CYB5R3: variants seen among roughly 807,000 people sequenced by gnomAD.
The protein encoded by CYB5R3 is cytochrome b5 reductase 3.
In CYB5R3, 28 loss-of-function variants were observed where a neutral mutation model predicts 36.5. That is an observed-to-expected ratio of 0.77 (90% CI 0.57 to 1.05). CYB5R3 has a LOEUF of 1.05. Ranked by LOEUF, CYB5R3 falls within the 50% of genes least tolerant of loss-of-function variation. CYB5R3 has a pLI of 0.00. For synonymous variants in CYB5R3, 181 were observed against 159.8 expected, an observed-to-expected ratio of 1.13 and a Z score of -1.00; for missense variants, 474 against 408.9, an observed-to-expected ratio of 1.16 and a Z score of -1.37.
chr22:42,630,570 A>C (rs1302585738), intron 4 of CYB5R3, among the ~76,000 whole-genome samples: 6 of 152,230 alleles, frequency 3.9e-5, no homozygotes, highest in Non-Finnish European at 8.8e-5. Context: ...ACTTGCCCTG[A>C]ACCCTGGCCC....
chr22:42,624,867 C>G (rs932841641), intron 7 of CYB5R3, among the ~76,000 whole-genome samples: 1 of 152,176 alleles, frequency 6.6e-6, no homozygotes, highest in Non-Finnish European at 1.5e-5. Flanking sequence ...GGCTGGGGAA[C>G]TGCACCCACC....
chr22:42,628,218 TCTCCAGGTACTGAGACATCTTCC>T lies in CYB5R3; in HGVS notation c.374_396del (p.Gly125GlufsTer9). The T allele has an allele frequency of 6.2e-7, 1 of 1,614,020 alleles. No individual in the cohort carries two copies. Among genetic ancestry groups the T allele is most frequent in the Non-Finnish European group, 8.5e-7 (1 of 1,179,970 alleles). Reference sequence around the variant, plus strand: ...TCAATGGTGTCTCCAATCTGCATGCTCTCCAGGTACTGAGACATCTTCCCTCCAGCGGGAAACTTGGGATGGGT... The same window carrying T: ...TCAATGGTGTCTCCAATCTGCATGCTCTCCAGCGGGAAACTTGGGATGGGT... On this transcript the variant is annotated frameshift_variant, in exon 5 of 9. Coordinates refer to ENST00000352397, the MANE Select transcript of CYB5R3 (RefSeq NM_000398.7). LOFTEE classifies it high-confidence loss of function.
intron 8 of CYB5R3, 103 bp downstream of exon 8, chr22:42,623,686 G>C: frequency 1.1e-6 from 1 of 933,468 alleles, no homozygotes. Context: ...GCCATAGTGA[G>C]TGCCAGATGT....
intron 4 of CYB5R3, 22 bp from the exon 5 acceptor site, chr22:42,628,303 C>G: frequency 6.2e-7 from 1 of 1,612,900 alleles, no homozygotes; most frequent in Non-Finnish European, 8.5e-7. Flanking sequence ...CCCCGCAGCC[C>G]TCAGTCCCCA....
In CYB5R3 at chr22:42,649,275, G is replaced by C; in HGVS notation, c.21+20C>G. 1 of 896,858 alleles carries C rather than the reference G, an allele frequency of 1.1e-6. No homozygotes were observed. The highest frequency in any genetic ancestry group is 4.8e-5 in the South Asian group (1 of 20,770). 55.6% of individuals were successfully genotyped at this position (896,858 alleles called of 1,614,324 possible). On this transcript the variant is annotated intron_variant, in intron 1 of 8. Coordinates refer to ENST00000352397, the MANE Select transcript of CYB5R3 (RefSeq NM_000398.7). ...GTCCCTCGCGACGCCCCGCGGCCCC[G>C]GCGCCCCCTCCCCGCCTACCGTGCT...
chr22:42,637,182 T>A (rs566181694), intron 1 of CYB5R3, among the ~76,000 whole-genome samples: 1 of 152,184 alleles, frequency 6.6e-6, no homozygotes, highest in Admixed American at 6.5e-5. Context: ...AAGCTCAGAG[T>A]AAAATTAATC....
chr22:42,625,527 TTA>T (rs1226938858), intron 7 of CYB5R3, among the ~76,000 whole-genome samples: 3 of 151,972 alleles, frequency 2.0e-5, no homozygotes, highest in Admixed American at 6.6e-5. Flanking sequence ...TTAAAAAAAG[TTA>T]TGTCTTCCTC....
At position 42,627,604 on chromosome 22, in the gene CYB5R3, C is replaced by T. The variant is rs1161477501; in HGVS notation, c.547+1G>A. ...ACGCCTCAGTGGGGGGTTCCGTGTA[C>T]CTGTCCCTCCCGCGATCATGCCCAC... On this transcript the variant is annotated splice_donor_variant, in intron 6 of 8. Coordinates refer to ENST00000352397, the MANE Select transcript of CYB5R3 (RefSeq NM_000398.7). LOFTEE classifies it high-confidence loss of function. The T allele has an allele frequency of 1.2e-6, 2 of 1,613,526 alleles. No individual in the cohort carries two copies. Among genetic ancestry groups the T allele is most frequent in the Non-Finnish European group, 1.7e-6 (2 of 1,179,564 alleles).
chr22:42,632,195 T>G (rs1193458915), intron 2 of CYB5R3: 1 of 152,408 alleles, frequency 6.6e-6, no homozygotes, highest in Non-Finnish European at 1.5e-5. Context: ...TCAGTTCCAG[T>G]CGGAGCTGGA....
At chr22:42,627,559 C>A (rs759555191) in intron 6 of CYB5R3, 46 bp downstream of exon 6, 9 of 1,574,482 alleles carry the variant, frequency 5.7e-6, no homozygotes, top group Non-Finnish European at 7.0e-6. Context: ...CCCAACCCCA[C>A]CCTTAACATG....
Position 42,637,095 on chromosome 22 carries a change from T to G in CYB5R3, c.22-249A>C, listed in dbSNP as rs8190415. On this transcript the variant is annotated intron_variant, in intron 1 of 8. Coordinates refer to ENST00000352397, the MANE Select transcript of CYB5R3 (RefSeq NM_000398.7). ...TATGCTCAGTACCATGAGAAAAAGC[T>G]CCATTTCCTCTGAAGAGCCAGGACC... is the stretch of plus-strand genomic sequence containing the variant. Among the ~76,000 whole-genome samples the G allele has an allele frequency of 7.8e-3, 1,193 of 152,238 alleles. 13 individuals carry two copies. The highest frequency in any genetic ancestry group is 0.028 in the African/African-American group (1,155 of 41,550).
rs763936172 is a variant in CYB5R3 at position 42,627,600 on chromosome 22, T to C, written c.547+5A>G. 6.2e-7 allele frequency: 1 copy of C among 1,613,206 alleles called. No homozygotes were observed. ...CCGGACGCCTCAGTGGGGGGTTCCG[T>C]GTACCTGTCCCTCCCGCGATCATGC... On this transcript the variant is annotated splice_donor_5th_base_variant and intron_variant, in intron 6 of 8. Transcript: ENST00000352397.
intron 1 of CYB5R3, chr22:42,640,106 C>G (rs1405675341): frequency 3.7e-6 from 6 of 1,613,918 alleles, no homozygotes; most frequent in South Asian, 3.3e-5. Flanking sequence ...GCACTACTGA[C>G]TATTTTTTTC....
At chr22:42,629,514 C>A (rs186351535) in intron 4 of CYB5R3, among the ~76,000 whole-genome samples, 209 of 152,310 alleles carry the variant, frequency 1.4e-3, no homozygotes, top group African/African-American at 4.8e-3. Context: ...GACTATGTGT[C>A]CAGTGTCCGT....
intron 3 of CYB5R3, 57 bp downstream of exon 3, chr22:42,631,321 T>C (rs1248557091): frequency 2.0e-6 from 3 of 1,479,646 alleles, no homozygotes; most frequent in Non-Finnish European, 2.8e-6. Context: ...ATCTCTCTGA[T>C]CTAGTGCCCC....
Position 42,628,285 on chromosome 22 carries a change from C to G in CYB5R3, c.334-4G>C. On this transcript the variant is annotated splice_polypyrimidine_tract_variant and splice_region_variant and intron_variant, in intron 4 of 8. Transcript: ENST00000352397. Reference sequence around the variant, plus strand: ...GATGGGTGTCCTTGAAGTAAACCTGCAAGACACCCCCGCAGCCCTCAGTCC... The same window carrying G: ...GATGGGTGTCCTTGAAGTAAACCTGGAAGACACCCCCGCAGCCCTCAGTCC... 6.2e-7 allele frequency: 1 copy of G among 1,613,682 alleles called. No homozygotes were observed. The highest frequency in any genetic ancestry group is 2.2e-5 in the East Asian group (1 of 44,864).
At chr22:42,636,324 G>C (rs1358296870) in intron 2 of CYB5R3, among the ~76,000 whole-genome samples, 2 of 152,188 alleles carry the variant, frequency 1.3e-5, no homozygotes, top group African/African-American at 4.8e-5. Context: ...GATGTGAAAG[G>C]TGTCCAGGTC....
At position 42,623,886 on chromosome 22, in the gene CYB5R3, G is replaced by C. The variant is rs745689124; in HGVS notation, c.636C>G (p.Thr212=). Residue 212 remains threonine (T), a splice_region_variant and synonymous_variant, in exon 8 of 9, where the codon ACC becomes ACG. Coordinates refer to ENST00000352397, the MANE Select transcript of CYB5R3 (RefSeq NM_000398.7). ...CAGGTCGCAGCAGGATGTCCTTCTCGGTCTGCAGGGGACAGGGCCAGGCAG... is the reference window on the plus strand; with the variant it reads ...CAGGTCGCAGCAGGATGTCCTTCTCCGTCTGCAGGGGACAGGGCCAGGCAG... ...TVCHLLFANQ[T]EKDILLRPEL... 1.2e-5 allele frequency: 19 copies of C among 1,613,706 alleles called. No individual in the cohort carries two copies. Among genetic ancestry groups the C allele is most frequent in the South Asian group, 2.2e-5 (2 of 91,074 alleles).
Position 42,628,190 on chromosome 22 carries a change from A to C in CYB5R3, c.425T>G (p.Phe142Cys), listed in dbSNP as rs1262831329. 6.2e-7 allele frequency: 1 copy of C among 1,613,918 alleles called. No homozygotes were observed. The highest frequency in any genetic ancestry group is 8.5e-7 in the Non-Finnish European group (1 of 1,179,938). The change falls in exon 5 of 9, where the codon TTC (phenylalanine) becomes TGC (cysteine). Residue 142 changes from phenylalanine (F) to cysteine (C), a missense_variant. Transcript: ENST00000352397. The stretch of plus-strand genomic sequence containing the variant: ...GACCAGCAGCCCACTGGGGCCCCGG[A>C]ACTCAATGGTGTCTCCAATCTGCAT... ...ESMQIGDTIE[F>C]RGPSGLLVYQ...
Sources: gnomAD v4.1 joint callset for allele counts (sites outside exome capture counted in the v4.1 genomes callset) on GRCh38, gnomAD v4.1.1 for gene constraint, MANE v1.5 for transcripts, NCBI Gene and HGNC (gene_info 2026-07-23, HGNC 2026-07-21) for gene names.